The following GBP2 variants were observed in gnomAD, a reference collection of about 807,000 sequenced individuals.
GBP2 encodes the protein guanylate-binding protein 2.
Under a neutral mutation model 60.8 loss-of-function variants are expected in GBP2, and 54 were observed. That is an observed-to-expected ratio of 0.89 (90% confidence interval 0.71 to 1.11). The LOEUF (loss-of-function observed/expected upper bound fraction) is 1.11. Ranked by LOEUF, GBP2 falls within the 50% of genes most tolerant of loss-of-function variation. The pLI is 0.00. For missense variants in GBP2, 665 were observed against 703.3 expected (o/e 0.95, Z 0.62); for synonymous variants, 243 against 256.5 (o/e 0.95, Z 0.50).
Position 89,121,287 on chromosome 1 carries a change from TA to T in GBP2, c.191-18del. The stretch of plus-strand genomic sequence containing the variant: ...GAGAGAAGCCTGTAGAAGGAGAGGA[TA>T]AAAGGGAAAAGAAATTACTTAGTAG... On this transcript the variant is annotated intron_variant, in intron 2 of 10. Transcript: ENST00000370466. The T allele has an allele frequency of 6.3e-7, 1 of 1,581,228 alleles. No individual in the cohort carries two copies. The highest frequency in any genetic ancestry group is 1.2e-5 in the South Asian group (1 of 85,320).
At chr1:89,118,959 T>C (rs1681338782) in intron 4 of GBP2, 1 of 152,178 alleles carries the variant, frequency 6.6e-6, no homozygotes, top group Non-Finnish European at 1.5e-5. Context: ...CACCAGAAGC[T>C]GGATACAAAA....
chr1:89,112,421 A>G (rs905938330), intron 8 of GBP2, 51 bp downstream of exon 8: 4 of 1,527,258 alleles, frequency 2.6e-6, no homozygotes, highest in Middle Eastern at 3.5e-4. Context: ...GTGGGCTTTA[A>G]AAGCATCCCC....
Position 89,121,142 on chromosome 1 carries a change from C to T in GBP2, c.318+1G>A. ...ATTTTTAAAATACTTATTTTTTTTA[C>T]CTTCTCTATATCTCCCAGGCCCTCA... On this transcript the variant is annotated splice_donor_variant, in intron 3 of 10. Coordinates refer to ENST00000370466, the MANE Select transcript of GBP2 (RefSeq NM_004120.5). LOFTEE classifies it high-confidence loss of function. 1 of 1,607,416 alleles carries T rather than the reference C, an allele frequency of 6.2e-7. No homozygotes were observed. The highest frequency in any genetic ancestry group is 1.1e-5 in the South Asian group (1 of 90,348).
intron 7 of GBP2, 52 bp from the exon 8 acceptor site, chr1:89,112,736 G>T: frequency 6.9e-7 from 1 of 1,439,308 alleles, no homozygotes; most frequent in Non-Finnish European, 9.8e-7. Context: ...TGAGGAGGAT[G>T]TTAACTATGT....
chr1:89,122,037 T>G (rs1275908005), intron 1 of GBP2, 54 bp from the exon 2 acceptor site: 1 of 1,348,104 alleles, frequency 7.4e-7, no homozygotes, highest in Non-Finnish European at 1.0e-6. Context: ...TAGTTAGCTA[T>G]GCTGAACTTT....
Position 89,109,682 on chromosome 1 carries a change from G to A in GBP2, c.1654C>T (p.Leu552Phe). 1 of 1,612,986 alleles carries A rather than the reference G, an allele frequency of 6.2e-7. No homozygotes were observed. Residue 552 changes from leucine to phenylalanine, a missense_variant, in exon 10 of 11, where the codon CTT becomes TTT. Leu to Phe is a conservative substitution (Grantham distance 22, BLOSUM62 0). Transcript: ENST00000370466. ...AEQEKTLALK[L>F]QEQERLLKEG... ...GAGATGATGCAATTGAATACCTGAA[G>A]TTTAAGAGCGAGGGTCTTCTCTTGC...
At position 89,108,147 on chromosome 1, in the gene GBP2, G is replaced by A. The variant is rs376872206; in HGVS notation, c.*28C>T. On this transcript the variant is annotated 3_prime_UTR_variant, in exon 11 of 11. Coordinates refer to ENST00000370466, the MANE Select transcript of GBP2 (RefSeq NM_004120.5). Reference sequence around the variant, plus strand: ...TGTTGTTTCTTGGGGAGAGGGAGCTGGACAGGCAAATTTTGCTCCTTGGAC... The same window carrying A: ...TGTTGTTTCTTGGGGAGAGGGAGCTAGACAGGCAAATTTTGCTCCTTGGAC... The A allele has an allele frequency of 1.3e-5, 17 of 1,305,002 alleles. No homozygotes were observed. The African/African-American group carries it at 2.0e-4, about 16-fold the overall frequency. 80.8% of individuals were successfully genotyped at this position (1,305,002 alleles called of 1,614,324 possible). A position where few individuals can be genotyped will look rare whatever the true frequency, so the allele number is the denominator to read the frequency against.
In GBP2 at chr1:89,108,299, G is replaced by A; in HGVS notation, c.1660-8C>T. On this transcript the variant is annotated splice_region_variant and splice_polypyrimidine_tract_variant and intron_variant, in intron 10 of 10. Coordinates refer to ENST00000370466, the MANE Select transcript of GBP2 (RefSeq NM_004120.5). ...GAGAAGGCGTTCCTGTTCCTAAAAG[G>A]GAAAGTGGAGACTAAGCCTATCCAG... 1 of 1,549,158 alleles carries A rather than the reference G, an allele frequency of 6.5e-7. No homozygotes were observed. Among genetic ancestry groups the A allele is most frequent in the South Asian group, 1.1e-5 (1 of 89,630 alleles).
In GBP2 at chr1:89,120,284, T is replaced by C; in HGVS notation, c.323A>G (p.Asp108Gly). 6.2e-7 allele frequency: 1 copy of C among 1,612,220 alleles called. No homozygotes were observed. The highest frequency in any genetic ancestry group is 1.1e-5 in the South Asian group (1 of 91,032). ...TEGLGDIEKG[D>G]NENDSWIFAL... ...AAAGATCCAGGAGTCATTCTCATTG[T>C]CACCCTGTAAGTCATTGTAGAAGCC... Residue 108 changes from aspartate to glycine, a missense_variant, in exon 4 of 11, where the codon GAC (aspartate) becomes GGC (glycine). Coordinates refer to ENST00000370466, the MANE Select transcript of GBP2 (RefSeq NM_004120.5).
At chr1:89,118,725 A>G (rs893915638) in intron 4 of GBP2, 3 of 152,180 alleles carry the variant, frequency 2.0e-5, no homozygotes, top group Non-Finnish European at 4.4e-5. Flanking sequence ...AATAACTTTG[A>G]TAGTGGAGCT....
intron 1 of GBP2, among the ~76,000 whole-genome samples, chr1:89,125,522 C>T (rs1196673729): frequency 6.6e-6 from 1 of 152,180 alleles, no homozygotes; most frequent in Admixed American, 6.5e-5. Context: ...TTGCAGATCC[C>T]AAGTTGCCTA....
rs956283493 is a variant in GBP2 at position 89,120,183 on chromosome 1, G to C, written c.424C>G (p.Leu142Val). The change falls in exon 4 of 11, where the codon CTT becomes GTT. Residue 142 changes from leucine (L) to valine (V), a missense_variant. Physicochemically the swap from Leu to Val is conservative, Grantham distance 32. Coordinates refer to ENST00000370466, the MANE Select transcript of GBP2 (RefSeq NM_004120.5). ...GTINQQAMDQ[L>V]HYVTELTDRI... ...CTGGACCACAAAAAAGGATACTGAA[G>C]TTGGTCCATGGCCTGCTGGTTGATG... 4.3e-6 allele frequency: 7 copies of C among 1,611,984 alleles called. No homozygotes were observed. The highest frequency in any genetic ancestry group is 5.9e-6 in the Non-Finnish European group (7 of 1,178,216).
intron 1 of GBP2, among the ~76,000 whole-genome samples, chr1:89,123,084 TG>T (rs1681440955): frequency 1.3e-5 from 2 of 152,208 alleles, no homozygotes; most frequent in Non-Finnish European, 2.9e-5. Flanking sequence ...TCCTTCAAGC[TG>T]TAGCCCAGGT....
At chr1:89,111,476 G>A (rs934454752) in intron 8 of GBP2, among the ~76,000 whole-genome samples, 2 of 152,076 alleles carry the variant, frequency 1.3e-5, no homozygotes, top group African/African-American at 2.4e-5. Context: ...TTGCAAGAAC[G>A]TGGAACTTGA....
At chr1:89,110,677 C>T (rs998528165) in intron 8 of GBP2, among the ~76,000 whole-genome samples, 33 of 152,144 alleles carry the variant, frequency 2.2e-4, no homozygotes, top group African/African-American at 6.7e-4. Context: ...TATGAGGCCA[C>T]AAAGGCATAA....
chr1:89,121,952 G>C lies in GBP2; in HGVS notation c.15C>G (p.Ile5Met). The change falls in exon 2 of 11, where the codon ATC becomes ATG. Residue 5 changes from isoleucine to methionine, a missense_variant. Physicochemically the swap from Ile to Met is conservative, Grantham distance 10. Transcript: ENST00000370466. ...TGAGGCTCATTGGGCCCGGCAAGTT[G>C]ATCTCTGGAGCCATGTCCAGGGTGT... MAPEINLPGPMSLID... is the reference protein window; with the variant it reads MAPEMNLPGPMSLID... The C allele has an allele frequency of 6.2e-7, 1 of 1,612,860 alleles. No individual in the cohort carries two copies. Among genetic ancestry groups the C allele is most frequent in the Non-Finnish European group, 8.5e-7 (1 of 1,179,262 alleles).
Position 89,121,148 on chromosome 1 carries a change from C to G in GBP2, c.313G>C (p.Glu105Gln). The G allele has an allele frequency of 6.2e-7, 1 of 1,611,092 alleles. No homozygotes were observed. Among genetic ancestry groups the G allele is most frequent in the Non-Finnish European group, 8.5e-7 (1 of 1,178,582 alleles). ...AAAATACTTATTTTTTTTACCTTCT[C>G]TATATCTCCCAGGCCCTCAGTGTCG... ...LLDTEGLGDI[E>Q]KGDNENDSWI... is the part of the protein sequence containing the mutation. Residue 105 changes from glutamate (E) to glutamine (Q), a missense_variant, in exon 3 of 11, where the codon GAG becomes CAG. Coordinates refer to ENST00000370466, the MANE Select transcript of GBP2 (RefSeq NM_004120.5).
chr1:89,117,330 G>A, intron 5 of GBP2, 96 bp from the exon 6 acceptor site: 1 of 1,123,698 alleles, frequency 8.9e-7, no homozygotes, highest in Non-Finnish European at 1.3e-6. Flanking sequence ...CATGTAAGGA[G>A]GAAATTTATT....
At chr1:89,121,357 A>C in intron 2 of GBP2, 87 bp from the exon 3 acceptor site, 1 of 1,193,216 alleles carries the variant, frequency 8.4e-7, no homozygotes, top group Non-Finnish European at 1.2e-6. Context: ...ATTGAAGTTA[A>C]AAGAGATAAA....
Sources: gnomAD v4.1 joint callset for allele counts (sites outside exome capture counted in the v4.1 genomes callset) on GRCh38, gnomAD v4.1.1 for gene constraint, MANE v1.5 for transcripts, NCBI Gene and HGNC (gene_info 2026-07-23, HGNC 2026-07-21) for gene names.